TDP1: variants seen among roughly 807,000 people sequenced by gnomAD.
The protein encoded by TDP1 is tyrosyl-DNA phosphodiesterase 1.
A neutral mutation model predicts 81.5 loss-of-function variants in TDP1; 64 were observed. The ratio of observed to expected loss-of-function variants is 0.79; its 90% CI spans 0.64 to 0.97. The LOEUF is 0.97. Among genes scored for constraint, TDP1 ranks in the 50% least tolerant of loss-of-function variants. The pLI, the probability that TDP1 is intolerant of heterozygous loss-of-function variation, is 0.00. For missense variants in TDP1, 723 were observed against 743.8 expected (o/e 0.97, Z 0.33); for synonymous variants, 256 against 264.3 (o/e 0.97, Z 0.30).
At chr14:89,970,645 A>G (rs1411532847) in intron 5 of TDP1, 4 of 180,308 alleles carry the variant, frequency 2.2e-5, no homozygotes, top group Non-Finnish European at 4.3e-5. Flanking sequence ...GTATTACAAC[A>G]GAGCTGCAGA....
chr14:90,008,202 T>A (rs764893696), intron 14 of TDP1, among the ~76,000 whole-genome samples: 2 of 152,242 alleles, frequency 1.3e-5, no homozygotes, highest in Admixed American at 6.5e-5. Context: ...TCTCACTTCC[T>A]TCTTGCAACT....
At chr14:90,042,947 G>A in intron 16 of TDP1, 123 bp from the exon 17 acceptor site, 2 of 1,559,090 alleles carry the variant, frequency 1.3e-6, no homozygotes, top group Admixed American at 3.8e-5. Context: ...TTCTGGGCTT[G>A]GTTCAGAAAA....
Position 89,970,313 on chromosome 14 carries a change from C to T in TDP1, c.660-862C>T, listed in dbSNP as rs111629741. Among the ~76,000 whole-genome samples the T allele has an allele frequency of 1.8e-3, 280 of 152,236 alleles. 1 individual carries two copies. The highest frequency in any genetic ancestry group is 6.3e-3 in the African/African-American group (263 of 41,550). ...CAAAAATATAGCATTTTCAACGTAGCTTGGGCTCTGTTTCATTGAAATCTA... is the reference window on the plus strand; with the variant it reads ...CAAAAATATAGCATTTTCAACGTAGTTTGGGCTCTGTTTCATTGAAATCTA... On this transcript the variant is annotated intron_variant, in intron 5 of 16. Coordinates refer to ENST00000335725, the MANE Select transcript of TDP1 (RefSeq NM_018319.4).
chr14:90,002,892 A>G (rs1897300561), intron 14 of TDP1, among the ~76,000 whole-genome samples: 1 of 152,146 alleles, frequency 6.6e-6, no homozygotes, highest in African/African-American at 2.4e-5. Context: ...AGATCTTTTC[A>G]TAGATATATA....
chr14:89,964,955 A>G (rs1308053970), intron 3 of TDP1: 1 of 379,630 alleles, frequency 2.6e-6, no homozygotes, highest in African/African-American at 2.1e-5. Context: ...ACATTCTGGC[A>G]TCAGAATCCA....
At chr14:90,032,180 C>G (rs1887354326) in intron 15 of TDP1, among the ~76,000 whole-genome samples, 1 of 152,100 alleles carries the variant, frequency 6.6e-6, no homozygotes, top group African/African-American at 2.4e-5. Flanking sequence ...AGTCTAGAAC[C>G]CAGATTATCT....
intron 14 of TDP1, among the ~76,000 whole-genome samples, chr14:90,006,482 G>C (rs1897700365): frequency 6.6e-6 from 1 of 152,038 alleles, no homozygotes; most frequent in African/African-American, 2.4e-5. Flanking sequence ...AGGCTCAGGT[G>C]ATCCTCCCTT....
intron 16 of TDP1, among the ~76,000 whole-genome samples, chr14:90,035,815 T>A (rs1459427076): frequency 1.3e-5 from 2 of 151,700 alleles, no homozygotes; most frequent in African/African-American, 2.4e-5. Flanking sequence ...TGCTGGGGTC[T>A]GGCCTTGGGC....
At chr14:90,016,194 G>A (rs1885291791) in intron 14 of TDP1, among the ~76,000 whole-genome samples, 1 of 151,940 alleles carries the variant, frequency 6.6e-6, no homozygotes, top group South Asian at 2.1e-4. Context: ...ACAGGTATGT[G>A]CCACCACGCC....
In TDP1 at chr14:89,985,167, A is replaced by C; in HGVS notation, c.1088A>C (p.Gln363Pro). ...ATTGGTTCAACCCCAGGACGCTTTC[A>C]AGGAAGTCAAAAAGATAATTGGGGA... is the stretch of plus-strand genomic sequence containing the variant. The part of the protein sequence containing the change: ...YLIGSTPGRF[Q>P]GSQKDNWGHF... The change falls in exon 10 of 17, where the codon CAA (glutamine) becomes CCA (proline). Residue 363 changes from glutamine to proline, a missense_variant. Transcript: ENST00000335725. 1 of 1,611,570 alleles carries C rather than the reference A, an allele frequency of 6.2e-7. No individual in the cohort carries two copies. Among genetic ancestry groups the C allele is most frequent in the Non-Finnish European group, 8.5e-7 (1 of 1,178,844 alleles).
At chr14:90,019,756 A>G (rs1172134793) in intron 15 of TDP1, among the ~76,000 whole-genome samples, 2 of 152,202 alleles carry the variant, frequency 1.3e-5, no homozygotes, top group Admixed American at 1.3e-4. Context: ...GGAATGGCCC[A>G]ATCAAGCACA....
chr14:90,037,349 G>A (rs960498974), intron 16 of TDP1, among the ~76,000 whole-genome samples: 8 of 152,182 alleles, frequency 5.3e-5, no homozygotes, highest in Admixed American at 4.6e-4. Context: ...AGCTAAGGGT[G>A]AAATAAAGCC....
At chr14:89,984,422 T>G in intron 8 of TDP1, 94 bp from the exon 9 acceptor site, 1 of 1,606,162 alleles carries the variant, frequency 6.2e-7, no homozygotes, top group South Asian at 1.1e-5. Context: ...ATACCGAGAA[T>G]TCACCTCTTT....
At chr14:89,993,151 A>G (rs1896362019) in intron 13 of TDP1, 2 of 984,618 alleles carry the variant, frequency 2.0e-6, no homozygotes, top group Non-Finnish European at 2.4e-6. Flanking sequence ...GAAAGGCTAT[A>G]TGCTGAAAGG....
At chr14:90,022,843 C>G in intron 15 of TDP1, 1 of 819,294 alleles carries the variant, frequency 1.2e-6, no homozygotes, top group Non-Finnish European at 1.5e-6. Flanking sequence ...TTTGTCGTTT[C>G]GCTGAGTTTA....
intron 14 of TDP1, among the ~76,000 whole-genome samples, chr14:89,996,076 C>G (rs7150321): frequency 0.038 from 5,774 of 152,248 alleles, 366 homozygotes; most frequent in African/African-American, 0.13. Context: ...CCAGTCCTTG[C>G]AATTACCAGG....
intron 16 of TDP1, among the ~76,000 whole-genome samples, chr14:90,041,661 G>A (rs10130027): frequency 0.036 from 5,514 of 152,220 alleles, 370 homozygotes; most frequent in African/African-American, 0.13. Flanking sequence ...TGCCAGACCC[G>A]CCAAGAAGCA....
At chr14:90,022,729 T>C (rs1026550787) in intron 15 of TDP1, 56 of 984,990 alleles carry the variant, frequency 5.7e-5, no homozygotes, top group East Asian at 1.1e-4. Context: ...TCTACTGATA[T>C]GTGAAGCTTC....
chr14:90,009,851 A>G (rs1455720758), intron 14 of TDP1, among the ~76,000 whole-genome samples: 2 of 152,234 alleles, frequency 1.3e-5, no homozygotes, highest in Non-Finnish European at 2.9e-5. Flanking sequence ...TATATCATCA[A>G]CCATTTTTGA....
Sources: gnomAD v4.1 joint callset for allele counts (sites outside exome capture counted in the v4.1 genomes callset) on GRCh38, gnomAD v4.1.1 for gene constraint, MANE v1.5 for transcripts, NCBI Gene and HGNC (gene_info 2026-07-23, HGNC 2026-07-21) for gene names.